MOB1B: variants seen among roughly 807,000 people sequenced by gnomAD.
MOB1B encodes MOB1 Mps One Binder homolog B.
MOB1B carries 19 observed loss-of-function variants against 24.4 expected under a neutral mutation model. The observed-to-expected ratio is 0.78, with a 90% confidence interval of 0.54 to 1.14. MOB1B has a LOEUF of 1.14. Ranked by LOEUF, MOB1B falls within the 50% of genes most tolerant of loss-of-function variation. MOB1B has a pLI of 0.00. For synonymous variants in MOB1B, 76 were observed against 82.1 expected, an observed-to-expected ratio of 0.93 and a Z score of 0.40; for missense variants, 243 against 259.6, an observed-to-expected ratio of 0.94 and a Z score of 0.44.
At chr4:70,906,541 A>G (rs28452985) in intron 1 of MOB1B, among the ~76,000 whole-genome samples, 4,333 of 152,294 alleles carry the variant, frequency 0.028, 194 homozygotes, top group African/African-American at 0.097. Context: ...TGTAAGTGCC[A>G]TGGAACAAAG....
chr4:70,971,953 C>T lies in MOB1B; in HGVS notation c.275+1929C>T, dbSNP rs901691119. 4.6e-5 allele frequency among the ~76,000 whole-genome samples: 7 copies of T among 151,648 alleles called. No individual in the cohort carries two copies. In the South Asian group the frequency reaches 6.3e-4, roughly 14 times the overall value. ...TCCCTCCTTCTTTCTTCTTTCTCTA[C>T]GTCTCTTTTCTTCTTCCTTCTCTTC... On this transcript the variant is annotated intron_variant, in intron 3 of 5. Transcript: ENST00000309395.
intron 1 of MOB1B, among the ~76,000 whole-genome samples, chr4:70,925,843 T>C (rs764473939): frequency 6.6e-6 from 1 of 152,204 alleles, no homozygotes; most frequent in Non-Finnish European, 1.5e-5. Flanking sequence ...CCCCGTACTG[T>C]CCTTTCACAC....
At chr4:70,976,393 C>T (rs1738997718) in intron 4 of MOB1B, 2 of 981,540 alleles carry the variant, frequency 2.0e-6, no homozygotes, top group Non-Finnish European at 2.4e-6. Flanking sequence ...ATGAATCTTA[C>T]AGATTCAGAT....
chr4:70,902,517 C>A lies in MOB1B; in HGVS notation c.-20C>A. The A allele has an allele frequency of 6.4e-7, 1 of 1,562,294 alleles. No homozygotes were observed. Among genetic ancestry groups the A allele is most frequent in the Non-Finnish European group, 8.7e-7 (1 of 1,153,716 alleles). On this transcript the variant is annotated 5_prime_UTR_variant, in exon 1 of 6. Coordinates refer to ENST00000309395, the MANE Select transcript of MOB1B (RefSeq NM_173468.4). ...CGAGGCCTCGCGACCGCCGAGCCTGCAGCCTGCCCCGCGGCCAACATGAGC... is the reference window on the plus strand; with the variant it reads ...CGAGGCCTCGCGACCGCCGAGCCTGAAGCCTGCCCCGCGGCCAACATGAGC...
At chr4:70,934,706 T>C (rs1737016205) in intron 1 of MOB1B, among the ~76,000 whole-genome samples, 1 of 152,118 alleles carries the variant, frequency 6.6e-6, no homozygotes, top group African/African-American at 2.4e-5. Flanking sequence ...TTTGCCTGTC[T>C]CAGCATGCCA....
chr4:70,913,893 A>G (rs1736097220), intron 1 of MOB1B, among the ~76,000 whole-genome samples: 1 of 143,678 alleles, frequency 7.0e-6, no homozygotes, highest in Non-Finnish European at 1.5e-5. Flanking sequence ...TTAGTTGGCA[A>G]TTTTACTGTA....
At chr4:70,919,872 C>A (rs1193447611) in intron 1 of MOB1B, among the ~76,000 whole-genome samples, 2 of 152,100 alleles carry the variant, frequency 1.3e-5, no homozygotes, top group Non-Finnish European at 2.9e-5. Context: ...TGATGTAAAA[C>A]CTGGTGAGTT....
At chr4:70,964,898 C>A (rs1224554256) in intron 2 of MOB1B, among the ~76,000 whole-genome samples, 3 of 150,692 alleles carry the variant, frequency 2.0e-5, no homozygotes, top group Non-Finnish European at 4.4e-5. Flanking sequence ...CCATTGCACT[C>A]CAGCCTAGGC....
intron 1 of MOB1B, among the ~76,000 whole-genome samples, chr4:70,933,388 C>T (rs1232209851): frequency 1.3e-5 from 2 of 152,084 alleles, no homozygotes; most frequent in Non-Finnish European, 2.9e-5. Context: ...CATTTCTATA[C>T]ATAATCCATT....
chr4:70,975,065 G>C, intron 3 of MOB1B, 88 bp from the exon 4 acceptor site: 1 of 972,470 alleles, frequency 1.0e-6, no homozygotes, highest in Non-Finnish European at 1.4e-6. Context: ...ATGTCTGTGT[G>C]TACATTAGTA....
intron 2 of MOB1B, among the ~76,000 whole-genome samples, chr4:70,966,244 G>A (rs1738526484): frequency 6.6e-6 from 1 of 152,076 alleles, no homozygotes; most frequent in Non-Finnish European, 1.5e-5. Flanking sequence ...AAATACAAAG[G>A]TTAGTTTAGC....
intron 1 of MOB1B, among the ~76,000 whole-genome samples, chr4:70,932,004 G>A (rs1393769200): frequency 6.6e-6 from 1 of 152,112 alleles, no homozygotes; most frequent in Non-Finnish European, 1.5e-5. Context: ...TAGTGGGATT[G>A]TAGGCATGAG....
At chr4:70,950,904 T>G in intron 1 of MOB1B, 1 of 744,562 alleles carries the variant, frequency 1.3e-6, no homozygotes, top group Middle Eastern at 2.3e-4. Flanking sequence ...ATCTCCATTT[T>G]GTAGACGAGG....
At chr4:70,959,482 A>G (rs1181297858) in intron 2 of MOB1B, among the ~76,000 whole-genome samples, 1 of 152,190 alleles carries the variant, frequency 6.6e-6, no homozygotes, top group Non-Finnish European at 1.5e-5. Flanking sequence ...TCACGGTGCT[A>G]GGATTACAGG....
upstream of MOB1B, chr4:70,902,209 G>A (rs1423375031): frequency 6.1e-6 from 3 of 493,936 alleles, no homozygotes; most frequent in South Asian, 4.4e-5. Context: ...GCAGCCGGAG[G>A]GCCGGGGTGG....
chr4:70,934,085 A>G (rs916110929), intron 1 of MOB1B, among the ~76,000 whole-genome samples: 1 of 151,804 alleles, frequency 6.6e-6, no homozygotes, highest in East Asian at 1.9e-4. Flanking sequence ...AACTTATTTT[A>G]TTTATTTATT....
intron 1 of MOB1B, among the ~76,000 whole-genome samples, chr4:70,930,808 T>C (rs1736861210): frequency 6.6e-6 from 1 of 152,192 alleles, no homozygotes; most frequent in African/African-American, 2.4e-5. Context: ...TTTTCACTTA[T>C]TTCTGTTATC....
chr4:70,936,531 A>G (rs1359056910), intron 1 of MOB1B, among the ~76,000 whole-genome samples: 1 of 152,000 alleles, frequency 6.6e-6, no homozygotes, highest in Non-Finnish European at 1.5e-5. Context: ...GAACAAACCT[A>G]TGTTGGAGTT....
chr4:70,973,469 CAAAAA>C (rs528813623), intron 3 of MOB1B, among the ~76,000 whole-genome samples: 1 of 49,422 alleles, frequency 2.0e-5, no homozygotes. Flanking sequence ...GACCCTGTCT[CAAAAA>C]AAAAAAAAAA....
Sources: allele counts gnomAD v4.1 joint callset (sites outside exome capture counted in the v4.1 genomes callset), GRCh38; gene constraint gnomAD v4.1.1; transcripts MANE v1.5; gene names NCBI Gene and HGNC (gene_info 2026-07-23, HGNC 2026-07-21).